Variants in PDE6A observed in about 807,000 individuals in gnomAD.
PDE6A encodes phosphodiesterase 6A, also known as rod cGMP-specific 3',5'-cyclic phosphodiesterase subunit alpha.
Under a neutral mutation model 106.3 loss-of-function variants are expected in PDE6A, and 84 were observed. The observed-to-expected ratio is 0.79, with a 90% CI of 0.66 to 0.95. The LOEUF (loss-of-function observed/expected upper bound fraction) is 0.95, where lower values mean the gene tolerates loss of function less well. PDE6A is among the 40% of genes least tolerant of loss of function. The probability of loss-of-function intolerance (pLI) is 0.00; values close to 1 mark genes in which losing one functional copy is unlikely to be tolerated. For missense variants in PDE6A, 1,052 were observed against 1,084.9 expected (o/e 0.97, Z 0.43); for synonymous variants, 394 against 386.6 (o/e 1.02, Z -0.23).
chr5:149,915,424 G>A (rs1327742057), intron 5 of PDE6A, among the ~76,000 whole-genome samples: 2 of 152,176 alleles, frequency 1.3e-5, no homozygotes, highest in Non-Finnish European at 1.5e-5. Context: ...ATAAATTAAT[G>A]TTTTTATTGA....
intron 5 of PDE6A, among the ~76,000 whole-genome samples, chr5:149,918,791 C>CT (rs888414918): frequency 1.3e-3 from 184 of 146,952 alleles, no homozygotes; most frequent in African/African-American, 3.2e-3. Flanking sequence ...TTCTTTTTTT[C>CT]TTTTTTTTTT....
chr5:149,890,007 G>A (rs1752484590), intron 13 of PDE6A, among the ~76,000 whole-genome samples: 1 of 147,528 alleles, frequency 6.8e-6, no homozygotes, highest in African/African-American at 2.5e-5. Flanking sequence ...CCAGGCTGGA[G>A]TGCAGTGGCA....
intron 6 of PDE6A, among the ~76,000 whole-genome samples, chr5:149,914,730 C>A (rs548026548): frequency 6.6e-6 from 1 of 150,986 alleles, no homozygotes; most frequent in African/African-American, 2.4e-5. Context: ...CCCTCTCCCA[C>A]CTTATAAGAA....
intron 6 of PDE6A, among the ~76,000 whole-genome samples, chr5:149,912,526 G>A (rs1753419768): frequency 6.6e-6 from 1 of 152,130 alleles, no homozygotes; most frequent in Non-Finnish European, 1.5e-5. Flanking sequence ...CTATGTGTGT[G>A]TCACCTCCAG....
At chr5:149,931,193 A>G (rs770540354) in intron 3 of PDE6A, 25 bp from the exon 4 acceptor site, 6 of 1,613,546 alleles carry the variant, frequency 3.7e-6, no homozygotes, top group East Asian at 4.5e-5. Flanking sequence ...AAACATATTC[A>G]TAGGTTTTGA....
Position 149,903,709 on chromosome 5 carries a change from A to G in PDE6A, c.1066-14T>C, listed in dbSNP as rs921783241. The G allele has an allele frequency of 9.3e-6, 15 of 1,612,072 alleles. No individual in the cohort carries two copies. The African/African-American group carries it at 2.0e-4, about 22-fold the overall frequency. On this transcript the variant is annotated splice_polypyrimidine_tract_variant and intron_variant, in intron 7 of 21. Coordinates refer to ENST00000255266, the MANE Select transcript of PDE6A (RefSeq NM_000440.3). ...GATGTTGCAAATCTGAGAGCAGTGAAGGGGAATAATGAAGGTGTGATTAGG... is the reference window on the plus strand; with the variant it reads ...GATGTTGCAAATCTGAGAGCAGTGAGGGGGAATAATGAAGGTGTGATTAGG...
chr5:149,941,635 T>A lies in PDE6A; in HGVS notation c.474+2565A>T, dbSNP rs138038831. Among the ~76,000 whole-genome samples, 6 of 152,326 alleles carry A rather than the reference T, an allele frequency of 3.9e-5. No homozygotes were observed. The East Asian group carries it at 9.7e-4, about 25-fold the overall frequency. On this transcript the variant is annotated intron_variant, in intron 1 of 21. Transcript: ENST00000255266. Reference sequence around the variant, plus strand: ...CTCTGTGCTGCTCCTGCCGGAAATGTGTGACCTGCATCTAATTATGAAGAA... The same window carrying A: ...CTCTGTGCTGCTCCTGCCGGAAATGAGTGACCTGCATCTAATTATGAAGAA...
intron 17 of PDE6A, among the ~76,000 whole-genome samples, chr5:149,873,575 G>A (rs113964377): frequency 0.023 from 3,475 of 152,082 alleles, 132 homozygotes; most frequent in African/African-American, 0.078. Context: ...CAAGTGATCC[G>A]CCCGCCTTGG....
chr5:149,906,517 G>C (rs1393774857), intron 7 of PDE6A, among the ~76,000 whole-genome samples: 1 of 10,974 alleles, frequency 9.1e-5, no homozygotes, highest in Non-Finnish European at 1.9e-4. Flanking sequence ...CAGAGACACT[G>C]TCAAAAAAAA....
Position 149,863,356 on chromosome 5 carries a change from G to T in PDE6A, c.2359-90C>A. 7.5e-7 allele frequency: 1 copy of T among 1,328,518 alleles called. No individual in the cohort carries two copies. Among genetic ancestry groups the T allele is most frequent in the Non-Finnish European group, 1.1e-6 (1 of 931,266 alleles). The allele number at this position is 1,328,518 out of a possible 1,614,324, so 82.3% of individuals were successfully genotyped here. ...GGCACAGCTGGAAACGTCCAACACTGGAATGAGCTGCTTCGGAGTAGCAGG... is the reference window on the plus strand; with the variant it reads ...GGCACAGCTGGAAACGTCCAACACTTGAATGAGCTGCTTCGGAGTAGCAGG... On this transcript the variant is annotated intron_variant, in intron 20 of 21. Transcript: ENST00000255266. This position sits in a 1 kb window ranked among gnomAD's most constrained non-coding sequence, Gnocchi z 4.7.
chr5:149,897,628 A>G (rs1752803195), intron 10 of PDE6A, among the ~76,000 whole-genome samples: 1 of 152,124 alleles, frequency 6.6e-6, no homozygotes, highest in African/African-American at 2.4e-5. Context: ...AGCCAGGCTG[A>G]AGCATGGTGT....
chr5:149,920,942 A>AAAAAAAG (rs1554091213), intron 5 of PDE6A, among the ~76,000 whole-genome samples: 2 of 108,282 alleles, frequency 1.8e-5, no homozygotes, highest in African/African-American at 4.1e-5. Context: ...GAAAGAGAGA[A>AAAAAAAG]AAAGAAAGAA....
intron 17 of PDE6A, among the ~76,000 whole-genome samples, chr5:149,879,534 C>A (rs1237065425): frequency 6.7e-6 from 1 of 150,362 alleles, no homozygotes; most frequent in Non-Finnish European, 1.5e-5. Flanking sequence ...ACTAACTCGT[C>A]ATCTAGCATT....
At chr5:149,887,646 AG>A (rs1228840733) in intron 13 of PDE6A, among the ~76,000 whole-genome samples, 2 of 152,076 alleles carry the variant, frequency 1.3e-5, no homozygotes, top group Non-Finnish European at 2.9e-5. Flanking sequence ...TTGGGTCGGG[AG>A]AAACAGCCTT....
chr5:149,919,712 T>C (rs1753649459), intron 5 of PDE6A, among the ~76,000 whole-genome samples: 1 of 152,194 alleles, frequency 6.6e-6, no homozygotes, highest in African/African-American at 2.4e-5. Flanking sequence ...CAAGAGTACC[T>C]TTGTTACCTT....
chr5:149,919,849 T>A (rs1012647834), intron 5 of PDE6A, among the ~76,000 whole-genome samples: 1 of 152,190 alleles, frequency 6.6e-6, no homozygotes, highest in African/African-American at 2.4e-5. Flanking sequence ...TTTTAAATAT[T>A]TAAAACATAC....
intron 1 of PDE6A, among the ~76,000 whole-genome samples, chr5:149,938,896 C>T (rs150949065): frequency 6.6e-6 from 1 of 152,290 alleles, no homozygotes; most frequent in African/African-American, 2.4e-5. Flanking sequence ...CGCATTTCAA[C>T]AATGCAGCAA....
intron 6 of PDE6A, among the ~76,000 whole-genome samples, chr5:149,911,204 A>G (rs1261754554): frequency 6.6e-6 from 1 of 152,134 alleles, no homozygotes; most frequent in African/African-American, 2.4e-5. Flanking sequence ...AATTGGCATG[A>G]TGATGAAGTT....
intron 17 of PDE6A, among the ~76,000 whole-genome samples, chr5:149,875,487 AT>A (rs201444448): frequency 0.01 from 1,441 of 137,728 alleles, 4 homozygotes; most frequent in African/African-American, 0.018. Flanking sequence ...CATACTGACT[AT>A]TTTTTTTTTT....
Sources: gnomAD v4.1 joint callset for allele counts (sites outside exome capture counted in the v4.1 genomes callset) on GRCh38, gnomAD v4.1.1 for gene constraint, Gnocchi (gnomAD v3.1) non-coding constraint, MANE v1.5 for transcripts, NCBI Gene and HGNC (gene_info 2026-07-23, HGNC 2026-07-21) for gene names.